The following PDE1C variants were observed in gnomAD, a reference collection of about 807,000 sequenced individuals.
PDE1C encodes the protein phosphodiesterase 1C.
Under a neutral mutation model 93.1 loss-of-function variants are expected in PDE1C, and 62 were observed. The ratio of observed to expected loss-of-function variants is 0.67; its 90% CI spans 0.54 to 0.82. The LOEUF is 0.82. Among genes scored for constraint, PDE1C ranks in the 40% least tolerant of loss-of-function variants. The pLI is 0.00. For synonymous variants in PDE1C, 325 were observed against 310.1 expected, an observed-to-expected ratio of 1.05 and a Z score of -0.50; for missense variants, 742 against 884.6, an observed-to-expected ratio of 0.84 and a Z score of 2.04.
chr7:31,673,220 C>G, the PDE1C span, among the ~76,000 whole-genome samples: 3,244 of 152,264 alleles, frequency 0.021, 44 homozygotes, highest in Middle Eastern at 0.058. Context: ...TGGAGGCTGA[C>G]TAACTACAAG....
chr7:31,964,104 G>A (rs150523542), intron 2 of PDE1C, among the ~76,000 whole-genome samples: 1 of 152,268 alleles, frequency 6.6e-6, no homozygotes, highest in African/African-American at 2.4e-5. Flanking sequence ...GTGCCAGAAA[G>A]TGGGGCAAGA....
chr7:31,934,175 C>T (rs1804704728), intron 2 of PDE1C, among the ~76,000 whole-genome samples: 1 of 152,112 alleles, frequency 6.6e-6, no homozygotes. Flanking sequence ...ATTGCTAAGA[C>T]ACCATCAAAT....
intron 2 of PDE1C, among the ~76,000 whole-genome samples, chr7:32,187,337 T>C (rs915822311): frequency 6.6e-6 from 1 of 152,068 alleles, no homozygotes; most frequent in Non-Finnish European, 1.5e-5. Context: ...TTATATTATG[T>C]TTCTCTTATA....
rs576195168 is a variant in PDE1C, at chr7:32,174,165, G to A, written c.137-4209C>T. On this transcript the variant is annotated intron_variant, in intron 2 of 18. Coordinates refer to the PDE1C transcript ENST00000396193. ...GGTCTGGTTCTGGGAAGAAGAACAAGAACAGCAGCCTGTTTTCTTAAACCT... is the reference window on the plus strand; with the variant it reads ...GGTCTGGTTCTGGGAAGAAGAACAAAAACAGCAGCCTGTTTTCTTAAACCT... Among the ~76,000 whole-genome samples the A allele has an allele frequency of 3.9e-5, 6 of 152,212 alleles. 1 individual carries two copies. The highest frequency in any genetic ancestry group is 1.4e-4 in the African/African-American group (6 of 41,516).
intron 2 of PDE1C, among the ~76,000 whole-genome samples, chr7:31,984,377 C>T (rs751285266): frequency 4.6e-5 from 7 of 152,036 alleles, no homozygotes; most frequent in South Asian, 2.1e-4. Context: ...CCCTGCCATC[C>T]GTGGCAAAAT....
chr7:31,696,907 A>G, the PDE1C span: 1 of 1,568,232 alleles, frequency 6.4e-7, no homozygotes, highest in Non-Finnish European at 8.7e-7. Flanking sequence ...CACAGTCCTC[A>G]TATATTAGGA....
chr7:32,091,026 A>G (rs1797440729), intron 3 of PDE1C, among the ~76,000 whole-genome samples: 1 of 152,254 alleles, frequency 6.6e-6, no homozygotes, highest in African/African-American at 2.4e-5. Flanking sequence ...TCTACCAGGC[A>G]TGTTATATGT....
chr7:32,390,429 A>G (rs1447800280), intron 1 of PDE1C, among the ~76,000 whole-genome samples: 1 of 152,012 alleles, frequency 6.6e-6, no homozygotes, highest in Non-Finnish European at 1.5e-5. Flanking sequence ...AGAAGCCAGG[A>G]ATGCTACTAA....
chr7:31,952,318 C>T (rs546880764), intron 2 of PDE1C, among the ~76,000 whole-genome samples: 22 of 151,926 alleles, frequency 1.4e-4, no homozygotes, highest in Non-Finnish European at 2.9e-4. Flanking sequence ...GGCGTAATCT[C>T]GACTCACTGC....
chr7:32,297,978 TC>T (rs1812693393), intron 1 of PDE1C, among the ~76,000 whole-genome samples: 5 of 74,202 alleles, frequency 6.7e-5, no homozygotes, highest in Admixed American at 1.1e-4. Context: ...TCTCTCTCTC[TC>T]TCTCTCTCTC....
chr7:32,128,058 A>G (rs766519103), intron 3 of PDE1C, among the ~76,000 whole-genome samples: 5 of 151,960 alleles, frequency 3.3e-5, no homozygotes, highest in African/African-American at 4.8e-5. Flanking sequence ...GAAGAAAGGA[A>G]GAACAGAAGT....
chr7:32,055,892 G>T (rs969646594), intron 1 of PDE1C, among the ~76,000 whole-genome samples: 1 of 152,066 alleles, frequency 6.6e-6, no homozygotes, highest in African/African-American at 2.4e-5. Flanking sequence ...GCTAAGTTTT[G>T]TATTTTTAGT....
chr7:31,692,444 G>A, the PDE1C span: 2 of 1,607,354 alleles, frequency 1.2e-6, no homozygotes, highest in East Asian at 2.2e-5. Context: ...CTCCTTTGAT[G>A]ATGTCCACTG....
At chr7:32,356,197 T>C (rs905629671) in intron 1 of PDE1C, among the ~76,000 whole-genome samples, 1 of 152,176 alleles carries the variant, frequency 6.6e-6, no homozygotes, top group African/African-American at 2.4e-5. Flanking sequence ...TCACCAAGGC[T>C]CCAGCCAACA....
intron 1 of PDE1C, among the ~76,000 whole-genome samples, chr7:32,260,206 A>G (rs1444299202): frequency 2.6e-5 from 4 of 152,232 alleles, no homozygotes. Flanking sequence ...AGAGGGAGGC[A>G]ATGAAGTGAA....
chr7:32,177,457 G>C lies in PDE1C; in HGVS notation c.137-7501C>G, dbSNP rs116022796. 8.5e-3 allele frequency among the ~76,000 whole-genome samples: 1,299 copies of C among 152,200 alleles called. 22 individuals carry two copies. Among genetic ancestry groups the C allele is most frequent in the African/African-American group, 0.029 (1,218 of 41,512 alleles). ...CAGGCAACCCAATAATAATATGTCT[G>C]AGTCACCTTGCCCCTGCACCTCCTC... On this transcript the variant is annotated intron_variant, in intron 2 of 18. Transcript: ENST00000396193.
chr7:31,795,736 A>G (rs1182776127), intron 16 of PDE1C, among the ~76,000 whole-genome samples: 1 of 151,808 alleles, frequency 6.6e-6, no homozygotes, highest in Non-Finnish European at 1.5e-5. Context: ...TTCCCTTAGT[A>G]TAACACAATT....
intron 2 of PDE1C, among the ~76,000 whole-genome samples, chr7:32,204,070 A>G (rs1409171622): frequency 1.3e-5 from 2 of 152,200 alleles, no homozygotes; most frequent in Non-Finnish European, 2.9e-5. Context: ...GGCAATTACT[A>G]AATAAAATAA....
chr7:32,381,151 A>C (rs1316921192), intron 1 of PDE1C, among the ~76,000 whole-genome samples: 1 of 151,218 alleles, frequency 6.6e-6, no homozygotes, highest in African/African-American at 2.4e-5. Flanking sequence ...TTCTTACCCC[A>C]CATCCCTCTA....
Sources: allele counts gnomAD v4.1 joint callset (sites outside exome capture counted in the v4.1 genomes callset), GRCh38; gene constraint gnomAD v4.1.1; transcripts MANE v1.5; gene names NCBI Gene and HGNC (gene_info 2026-07-23, HGNC 2026-07-21).